The following CPQ variants were observed in gnomAD, a reference collection of about 807,000 sequenced individuals.
CPQ encodes Ser-Met dipeptidase.
Under a neutral mutation model 45.7 loss-of-function variants are expected in CPQ, and 37 were observed. That is an observed-to-expected ratio of 0.81 (90% CI 0.62 to 1.07). CPQ has a LOEUF of 1.07. Ranked by LOEUF, CPQ falls within the 50% of genes least tolerant of loss-of-function variation. The probability of loss-of-function intolerance (pLI) is 0.00; values close to 1 mark genes in which losing one functional copy is unlikely to be tolerated. For synonymous variants in CPQ, 186 were observed against 205.8 expected (o/e 0.90, Z 0.82); for missense variants, 537 against 572.9 (o/e 0.94, Z 0.64).
At chr8:97,067,907 AT>A (rs1196466100) in intron 7 of CPQ, among the ~76,000 whole-genome samples, 1 of 152,168 alleles carries the variant, frequency 6.6e-6, no homozygotes, top group South Asian at 2.1e-4. Context: ...GAAATTCTAG[AT>A]TTTTTCTGAG....
chr8:96,997,966 C>G (rs2130419190), intron 5 of CPQ, among the ~76,000 whole-genome samples: 1 of 152,058 alleles, frequency 6.6e-6, no homozygotes, highest in East Asian at 1.9e-4. Context: ...ATTTTGAAAT[C>G]TAACTCAAGA....
intron 1 of CPQ, among the ~76,000 whole-genome samples, chr8:96,776,701 G>C (rs1241073427): frequency 6.6e-6 from 1 of 152,098 alleles, no homozygotes; most frequent in Non-Finnish European, 1.5e-5. Context: ...CCAGATTTAA[G>C]TAGAAAAGAA....
At chr8:97,023,253 T>C (rs1387093005) in intron 5 of CPQ, among the ~76,000 whole-genome samples, 1 of 151,838 alleles carries the variant, frequency 6.6e-6, no homozygotes, top group East Asian at 1.9e-4. Context: ...ATGTTCTCAC[T>C]CATATGTGGG....
chr8:97,131,923 T>A (rs894947821), intron 7 of CPQ, among the ~76,000 whole-genome samples: 1 of 152,182 alleles, frequency 6.6e-6, no homozygotes, highest in Non-Finnish European at 1.5e-5. Flanking sequence ...TTTTGTCTCA[T>A]ATCCAGTTAG....
At chr8:97,138,465 A>G (rs1586559305) in intron 7 of CPQ, among the ~76,000 whole-genome samples, 3 of 152,308 alleles carry the variant, frequency 2.0e-5, no homozygotes, top group African/African-American at 7.2e-5. Context: ...TCCAGTCCAC[A>G]AGACAGGAGG....
At chr8:96,653,913 T>C (rs1815606771) in intron 1 of CPQ, among the ~76,000 whole-genome samples, 1 of 152,214 alleles carries the variant, frequency 6.6e-6, no homozygotes, top group South Asian at 2.1e-4. Context: ...TAATAATTTC[T>C]GTATGGCTAC....
chr8:97,041,484 C>G (rs1810124559), intron 6 of CPQ, among the ~76,000 whole-genome samples: 1 of 152,126 alleles, frequency 6.6e-6, no homozygotes, highest in Admixed American at 6.5e-5. Flanking sequence ...ATTTTCTTCC[C>G]CTGTCTAATT....
At chr8:96,780,124 A>G (rs893526448) in intron 1 of CPQ, among the ~76,000 whole-genome samples, 5 of 152,182 alleles carry the variant, frequency 3.3e-5, no homozygotes, top group African/African-American at 7.2e-5. Context: ...GAGTATAACA[A>G]TTGAAGGTGC....
At chr8:97,112,124 T>A (rs978166076) in intron 7 of CPQ, among the ~76,000 whole-genome samples, 6 of 151,730 alleles carry the variant, frequency 4.0e-5, no homozygotes, top group African/African-American at 1.5e-4. Context: ...TTAAAAAGTA[T>A]TTAATGCCTT....
At chr8:97,021,584 A>G (rs1809684468) in intron 5 of CPQ, among the ~76,000 whole-genome samples, 1 of 152,208 alleles carries the variant, frequency 6.6e-6, no homozygotes, top group South Asian at 2.1e-4. Context: ...CTGAGAATCA[A>G]ATCAAGAACT....
At chr8:97,095,054 C>A (rs1161148078) in intron 7 of CPQ, among the ~76,000 whole-genome samples, 1 of 152,114 alleles carries the variant, frequency 6.6e-6, no homozygotes, top group Non-Finnish European at 1.5e-5. Context: ...TCTTTTCATT[C>A]CTTTTTCGCT....
At chr8:96,881,496 G>A (rs911998446) in intron 4 of CPQ, among the ~76,000 whole-genome samples, 1 of 152,140 alleles carries the variant, frequency 6.6e-6, no homozygotes, top group Admixed American at 6.6e-5. Flanking sequence ...CTCTCACCAG[G>A]CCTCACCTCC....
At chr8:96,875,474 T>C (rs147774067) in intron 3 of CPQ, among the ~76,000 whole-genome samples, 229 of 152,142 alleles carry the variant, frequency 1.5e-3, no homozygotes, top group African/African-American at 5.2e-3. Context: ...GTTTTGTCTA[T>C]GGCATGATTT....
chr8:96,870,410 T>C (rs1326512568), intron 3 of CPQ, among the ~76,000 whole-genome samples: 2 of 152,130 alleles, frequency 1.3e-5, no homozygotes, highest in African/African-American at 4.8e-5. Context: ...TAGCCCACTA[T>C]GTATCATCAA....
chr8:97,063,499 C>T (rs1257682183), intron 6 of CPQ, among the ~76,000 whole-genome samples: 1 of 152,096 alleles, frequency 6.6e-6, no homozygotes, highest in African/African-American at 2.4e-5. Context: ...TCAACTTTTG[C>T]TTTTGTTGCG....
intron 6 of CPQ, among the ~76,000 whole-genome samples, chr8:97,030,799 G>A (rs189208991): frequency 1.1e-3 from 168 of 152,330 alleles, no homozygotes; most frequent in African/African-American, 3.6e-3. Flanking sequence ...AAGGTGTTAA[G>A]TCTTTCTGGG....
intron 3 of CPQ, among the ~76,000 whole-genome samples, chr8:96,877,682 CTT>C (rs1812165192): frequency 6.6e-6 from 1 of 152,172 alleles, no homozygotes; most frequent in Admixed American, 6.5e-5. Context: ...TATACTATCT[CTT>C]TTATTTTTCA....
chr8:96,655,398 C>T, intron 1 of CPQ, among the ~76,000 whole-genome samples: 1 of 151,998 alleles, frequency 6.6e-6, no homozygotes, highest in East Asian at 1.9e-4. Context: ...TATTCTTTAT[C>T]TCTTGGGTTT....
intron 7 of CPQ, among the ~76,000 whole-genome samples, chr8:97,085,550 G>A (rs1048122907): frequency 2.0e-5 from 3 of 151,968 alleles, no homozygotes; most frequent in African/African-American, 7.2e-5. Context: ...ACTTCATCTC[G>A]CTAGTCTTAA....
Sources: gnomAD v4.1 joint callset for allele counts (sites outside exome capture counted in the v4.1 genomes callset) on GRCh38, gnomAD v4.1.1 for gene constraint, MANE v1.5 for transcripts, NCBI Gene and HGNC (gene_info 2026-07-23, HGNC 2026-07-21) for gene names.